The following SAMD5 variants were observed in gnomAD, a reference collection of about 807,000 sequenced individuals.
SAMD5 encodes sterile alpha motif domain containing 5, also known as sterile alpha motif domain-containing protein 5.
Under a neutral mutation model 11.3 loss-of-function variants are expected in SAMD5, and 13 were observed. The ratio of observed to expected loss-of-function variants is 1.15; its 90% CI spans 0.75 to 1.83. The LOEUF (loss-of-function observed/expected upper bound fraction) is 1.83, where lower values mean the gene tolerates loss of function less well. Ranked by LOEUF, SAMD5 falls within the 40% of genes most tolerant of loss-of-function variation. The pLI is 0.00. For missense variants in SAMD5, 255 were observed against 239.1 expected (o/e 1.07, Z -0.44); for synonymous variants, 129 against 111.3 (o/e 1.16, Z -1.00).
At chr6:147,734,644 TG>T (rs1288860984) in intron 1 of SAMD5, among the ~76,000 whole-genome samples, 4 of 125,254 alleles carry the variant, frequency 3.2e-5, no homozygotes, top group Non-Finnish European at 6.3e-5. Flanking sequence ...ACCCGGGAGG[TG>T]GAGCTTGCAG....
At chr6:147,687,276 C>CTTTTTTTTT (rs59851113) in intron 1 of SAMD5, among the ~76,000 whole-genome samples, 4 of 105,028 alleles carry the variant, frequency 3.8e-5, no homozygotes, top group Admixed American at 1.0e-4. Context: ...TCTCCTCCTT[C>CTTTTTTTTT]TTTTTTTTTT....
the SAMD5 span, among the ~76,000 whole-genome samples, chr6:147,796,711 G>C: frequency 2.4e-4 from 37 of 152,182 alleles, no homozygotes; most frequent in African/African-American, 4.3e-4. Context: ...ATGGAATGTT[G>C]TTCCATTTGT....
At chr6:147,883,455 T>C in the SAMD5 span, among the ~76,000 whole-genome samples, 5 of 152,320 alleles carry the variant, frequency 3.3e-5, no homozygotes, top group Admixed American at 2.0e-4. Flanking sequence ...AGAGATGTGA[T>C]TGACTAAAAA....
At chr6:147,628,019 G>T (rs751286458) in intron 1 of SAMD5, among the ~76,000 whole-genome samples, 2 of 152,262 alleles carry the variant, frequency 1.3e-5, no homozygotes, top group South Asian at 2.1e-4. Flanking sequence ...TGAATGAAAG[G>T]CCTGGTAAAT....
intron 1 of SAMD5, among the ~76,000 whole-genome samples, chr6:147,613,580 A>G (rs755257522): frequency 1.6e-4 from 24 of 151,744 alleles, no homozygotes; most frequent in Non-Finnish European, 3.0e-4. Flanking sequence ...TGAAATCTCC[A>G]GGAACTTAGT....
the SAMD5 span, among the ~76,000 whole-genome samples, chr6:147,815,793 A>G: frequency 6.6e-6 from 1 of 152,126 alleles, no homozygotes. Flanking sequence ...CAGGAGTCAG[A>G]TGGGTCAGTG....
the SAMD5 span, among the ~76,000 whole-genome samples, chr6:147,807,519 C>G: frequency 6.6e-6 from 1 of 152,160 alleles, no homozygotes; most frequent in South Asian, 2.1e-4. Context: ...GAATGAAGCA[C>G]TCTGTCTTAG....
At chr6:147,789,084 A>AAAAC in the SAMD5 span, among the ~76,000 whole-genome samples, 1 of 129,178 alleles carries the variant, frequency 7.7e-6, no homozygotes, top group Non-Finnish European at 1.6e-5. Flanking sequence ...ACTGTCTCAA[A>AAAAC]AAACAAACAA....
intron 1 of SAMD5, among the ~76,000 whole-genome samples, chr6:147,577,097 C>G (rs1396537398): frequency 6.6e-6 from 1 of 152,174 alleles, no homozygotes; most frequent in Non-Finnish European, 1.5e-5. Context: ...TTTCCTACTG[C>G]CTGCAAATCT....
chr6:147,897,659 G>A, the SAMD5 span, among the ~76,000 whole-genome samples: 24,984 of 151,986 alleles, frequency 0.16, 2,582 homozygotes, highest in Non-Finnish European at 0.23. Flanking sequence ...TAAAAACGTA[G>A]CCAGACCAGG....
chr6:147,676,791 G>A (rs952422216), intron 1 of SAMD5, among the ~76,000 whole-genome samples: 1 of 140,672 alleles, frequency 7.1e-6, no homozygotes, highest in Non-Finnish European at 1.5e-5. Context: ...AGATTGCCAC[G>A]AGCAAAGCAC....
the SAMD5 span, among the ~76,000 whole-genome samples, chr6:147,772,903 T>G: frequency 6.6e-6 from 1 of 152,194 alleles, no homozygotes; most frequent in Non-Finnish European, 1.5e-5. Context: ...GAAGTTGACT[T>G]GCAAACTGAT....
the SAMD5 span, among the ~76,000 whole-genome samples, chr6:147,800,849 A>G: frequency 5.3e-5 from 8 of 152,188 alleles, no homozygotes; most frequent in African/African-American, 1.7e-4. Flanking sequence ...TTGTGTAACA[A>G]ATACCTTCAT....
chr6:147,530,082 AT>A (rs1212054202), intron 1 of SAMD5, among the ~76,000 whole-genome samples: 1 of 152,104 alleles, frequency 6.6e-6, no homozygotes. Flanking sequence ...TATGGGGACG[AT>A]TTTTTCCCCC....
At chr6:147,810,692 C>T in the SAMD5 span, among the ~76,000 whole-genome samples, 3 of 152,278 alleles carry the variant, frequency 2.0e-5, no homozygotes, top group East Asian at 3.9e-4. Flanking sequence ...ATTTCGGTAG[C>T]GCTGGCAACA....
chr6:147,936,551 A>G, the SAMD5 span, among the ~76,000 whole-genome samples: 7 of 152,146 alleles, frequency 4.6e-5, no homozygotes, highest in Non-Finnish European at 8.8e-5. Context: ...CAGTCATGAG[A>G]AATTCACCCC....
chr6:147,792,260 G>A, the SAMD5 span, among the ~76,000 whole-genome samples: 1,233 of 152,284 alleles, frequency 8.1e-3, 12 homozygotes, highest in African/African-American at 0.029. Flanking sequence ...TATTCTGGTT[G>A]ATAAAAGGTT....
At chr6:147,703,499 C>CCA (rs1791283994) in intron 1 of SAMD5, among the ~76,000 whole-genome samples, 1 of 152,206 alleles carries the variant, frequency 6.6e-6, no homozygotes, top group Admixed American at 6.5e-5. Flanking sequence ...AAACACATTT[C>CCA]CACACACGAG....
At chr6:147,623,050 C>T (rs1789995711) in intron 1 of SAMD5, among the ~76,000 whole-genome samples, 1 of 152,158 alleles carries the variant, frequency 6.6e-6, no homozygotes, top group African/African-American at 2.4e-5. Context: ...ATTATGGAAG[C>T]TACAATTCAA....
Sources: gnomAD v4.1 joint callset for allele counts (sites outside exome capture counted in the v4.1 genomes callset) on GRCh38, gnomAD v4.1.1 for gene constraint, MANE v1.5 for transcripts, NCBI Gene and HGNC (gene_info 2026-07-23, HGNC 2026-07-21) for gene names.